Variants in PSMD11 observed in about 807,000 individuals in gnomAD.
The protein encoded by PSMD11 is 26S proteasome non-ATPase regulatory subunit 11.
Under a neutral mutation model 62.3 loss-of-function variants are expected in PSMD11, and 5 were observed. The observed-to-expected ratio is 0.08, with a 90% confidence interval of 0.04 to 0.17. The LOEUF (loss-of-function observed/expected upper bound fraction) is 0.17, where lower values mean the gene tolerates loss of function less well. Ranked by LOEUF, PSMD11 falls within the 10% of genes least tolerant of loss-of-function variation. PSMD11 has a pLI of 1.00. For synonymous variants in PSMD11, 191 were observed against 191.8 expected (o/e 1.00, Z 0.03); for missense variants, 310 against 512.9 (o/e 0.60, Z 3.82).
chr17:32,446,638 A>G lies in PSMD11; in HGVS notation c.92-307A>G, dbSNP rs145364755. On this transcript the variant is annotated intron_variant, in intron 1 of 13. Transcript: ENST00000261712. ...GAAGGATTTGTTTTGTTTTAATTTC[A>G]CTTTAACCAAGTGACCACAACAGAA... Among the ~76,000 whole-genome samples the G allele has an allele frequency of 6.2e-3, 951 of 152,318 alleles. 12 individuals carry two copies. Among genetic ancestry groups the G allele is most frequent in the African/African-American group, 0.021 (859 of 41,568 alleles).
rs114112359 is a variant in PSMD11, at chr17:32,447,094, G to A, written c.193+48G>A. The A allele has an allele frequency of 8.6e-4, 1,229 of 1,430,612 alleles. 2 individuals carry two copies. The African/African-American group carries it at 0.014, about 16-fold the overall frequency. The allele number at this position is 1,430,612 out of a possible 1,614,324, so 88.6% of individuals were successfully genotyped here. ...ATCTGAAATGCTCAGTGAAATTCCT[G>A]TCTTTTGTTGGAGTGAAGAATCATG... On this transcript the variant is annotated intron_variant, in intron 2 of 13. Transcript: ENST00000261712.
At chr17:32,475,106 C>T (rs1789448567) in intron 8 of PSMD11, among the ~76,000 whole-genome samples, 1 of 152,128 alleles carries the variant, frequency 6.6e-6, no homozygotes, top group South Asian at 2.1e-4. Flanking sequence ...TGGCTTTGAC[C>T]AGAAGATTTA....
chr17:32,447,118 TG>T, intron 2 of PSMD11, 72 bp downstream of exon 2: 2 of 1,216,670 alleles, frequency 1.6e-6, no homozygotes, highest in Non-Finnish European at 2.3e-6. Flanking sequence ...TGAAGAATCA[TG>T]GGACTGATCC....
intron 2 of PSMD11, among the ~76,000 whole-genome samples, chr17:32,452,753 G>C (rs1242524694): frequency 2.6e-5 from 4 of 152,202 alleles, no homozygotes; most frequent in Admixed American, 2.6e-4. Flanking sequence ...ATCATGGCCA[G>C]ATCAAGAGAA....
In PSMD11 at chr17:32,480,978, G is replaced by T; in HGVS notation, c.*226G>T. On this transcript the variant is annotated 3_prime_UTR_variant, in exon 14 of 14. Transcript: ENST00000261712. Reference sequence around the variant, plus strand: ...GAAATTGCTTAAAAAAAAAGAAAAAGAAAAAAAAAAAGATTATTCTAAATA... The same window carrying T: ...GAAATTGCTTAAAAAAAAAGAAAAATAAAAAAAAAAAGATTATTCTAAATA... 1 of 158,832 alleles carries T rather than the reference G, an allele frequency of 6.3e-6. No individual in the cohort carries two copies. Among genetic ancestry groups the T allele is most frequent in the Non-Finnish European group, 1.3e-5 (1 of 75,580 alleles). 9.8% of individuals were successfully genotyped at this position (158,832 alleles called of 1,614,324 possible). A position where few individuals can be genotyped will look rare whatever the true frequency, so the allele number is the denominator to read the frequency against.
intron 6 of PSMD11, among the ~76,000 whole-genome samples, chr17:32,471,550 A>G (rs1393610188): frequency 6.6e-6 from 1 of 152,216 alleles, no homozygotes; most frequent in Non-Finnish European, 1.5e-5. Context: ...TAGAAAAGCT[A>G]TCTTAAAGTA....
At chr17:32,456,546 T>C (rs1907656561) in intron 3 of PSMD11, among the ~76,000 whole-genome samples, 1 of 151,638 alleles carries the variant, frequency 6.6e-6, no homozygotes, top group Non-Finnish European at 1.5e-5. Context: ...CTATTTTTTT[T>C]TGAGACGGAG....
At position 32,451,363 on chromosome 17, in the gene PSMD11, A is replaced by G. The variant is rs182466361; in HGVS notation, c.194-3132A>G. Among the ~76,000 whole-genome samples, 176 of 152,354 alleles carry G rather than the reference A, an allele frequency of 1.2e-3. 1 individual carries two copies. The highest frequency in any genetic ancestry group is 4.2e-3 in the African/African-American group (173 of 41,588). On this transcript the variant is annotated intron_variant, in intron 2 of 13. Coordinates refer to ENST00000261712, the MANE Select transcript of PSMD11 (RefSeq NM_002815.4). Reference sequence around the variant, plus strand: ...AAAGAGATAATTAATGGTAGGTGAGAGAAGACAGAGCAGATAGTCTCTGTA... The same window carrying G: ...AAAGAGATAATTAATGGTAGGTGAGGGAAGACAGAGCAGATAGTCTCTGTA...
Position 32,448,298 on chromosome 17 carries a change from A to AATTT in PSMD11, c.193+1253_193+1254insTTTA, listed in dbSNP as rs1907388907. Among the ~76,000 whole-genome samples, 5 of 152,098 alleles carry AATTT rather than the reference A, an allele frequency of 3.3e-5. No individual in the cohort carries two copies. The South Asian group carries it at 1.0e-3, about 32-fold the overall frequency. On this transcript the variant is annotated intron_variant, in intron 2 of 13. Coordinates refer to ENST00000261712, the MANE Select transcript of PSMD11 (RefSeq NM_002815.4). ...TACATGGGCCTTATATCTTACTTAAAACATCATTAAGTAGCTATAAAAAGA... is the reference window on the plus strand; with the variant it reads ...TACATGGGCCTTATATCTTACTTAAAATTTACATCATTAAGTAGCTATAAAAAGA...
intron 7 of PSMD11, 32 bp downstream of exon 7, chr17:32,473,977 C>G (rs1212573318): frequency 1.2e-6 from 2 of 1,610,500 alleles, no homozygotes; most frequent in Non-Finnish European, 1.7e-6. Context: ...ACTACAAGAA[C>G]TCAGATCCTT....
Position 32,481,867 on chromosome 17 carries a change from G to A in PSMD11, c.*1115G>A, listed in dbSNP as rs1449840866. On this transcript the variant is annotated 3_prime_UTR_variant, in exon 14 of 14. Transcript: ENST00000261712. ...GAGCAACCTCATGTCCCCTTCCCAG[G>A]GAGCTTTTTAATTTACCTCTTAGAA... is the stretch of plus-strand genomic sequence containing the variant. The A allele has an allele frequency of 6.6e-6, 1 of 151,930 alleles. No individual in the cohort carries two copies. Among genetic ancestry groups the A allele is most frequent in the African/African-American group, 2.4e-5 (1 of 41,366 alleles). The allele number at this position is 151,930 out of a possible 1,614,324, so 9.4% of individuals were successfully genotyped here. A position where few individuals can be genotyped will look rare whatever the true frequency, so the allele number is the denominator to read the frequency against.
intron 2 of PSMD11, among the ~76,000 whole-genome samples, chr17:32,451,881 G>A (rs1907511776): frequency 6.6e-6 from 1 of 152,102 alleles, no homozygotes; most frequent in African/African-American, 2.4e-5. Flanking sequence ...TGGGACTACA[G>A]GCCTTCACCA....
At chr17:32,458,888 CTT>C (rs1907726816) in intron 3 of PSMD11, among the ~76,000 whole-genome samples, 1 of 152,006 alleles carries the variant, frequency 6.6e-6, no homozygotes, top group South Asian at 2.1e-4. Context: ...TCCTCAGAGA[CTT>C]TCCTTGATCA....
chr17:32,463,917 A>G lies in PSMD11; in HGVS notation c.319-132A>G, dbSNP rs73274209. The G allele has an allele frequency of 3.8e-3, 2,993 of 793,238 alleles. 47 individuals carry two copies. The African/African-American group carries it at 0.046, about 12-fold the overall frequency. 49.1% of individuals were successfully genotyped at this position (793,238 alleles called of 1,614,324 possible). A position where few individuals can be genotyped will look rare whatever the true frequency, so the allele number is the denominator to read the frequency against. On this transcript the variant is annotated intron_variant, in intron 3 of 13. Transcript: ENST00000261712. The stretch of plus-strand genomic sequence containing the variant: ...TGATATAACTATTACACATTGAGAT[A>G]CTGTGGATCAGACACTAAATAGAGC...
intron 1 of PSMD11, chr17:32,444,966 G>C (rs1468527832): frequency 2.6e-6 from 1 of 377,414 alleles, no homozygotes; most frequent in African/African-American, 2.2e-5. Context: ...GCCGGCCGGC[G>C]TGCTTGTCAC....
At chr17:32,446,065 A>G (rs117440025) in intron 1 of PSMD11, 1 of 152,144 alleles carries the variant, frequency 6.6e-6, no homozygotes, top group Admixed American at 6.5e-5. Context: ...TACGTCAAAT[A>G]TTACAATTAG....
At chr17:32,470,415 C>T (rs906114667) in intron 6 of PSMD11, among the ~76,000 whole-genome samples, 15 of 151,998 alleles carry the variant, frequency 9.9e-5, no homozygotes, top group Non-Finnish European at 1.8e-4. Context: ...TGGGTTCAAG[C>T]GATTCTCCTG....
intron 10 of PSMD11, 126 bp downstream of exon 10, chr17:32,479,502 G>T: frequency 1.5e-6 from 2 of 1,328,942 alleles, no homozygotes; most frequent in Non-Finnish European, 2.1e-6. Context: ...GCCACCAAGA[G>T]CTTGGGCCTC....
At chr17:32,464,393 T>C in intron 4 of PSMD11, 128 bp from the exon 5 acceptor site, 1 of 794,246 alleles carries the variant, frequency 1.3e-6, no homozygotes, top group Non-Finnish European at 2.0e-6. Context: ...AGATCGTCTC[T>C]TATGCTGAAT....
Sources: allele counts gnomAD v4.1 joint callset (sites outside exome capture counted in the v4.1 genomes callset), GRCh38; gene constraint gnomAD v4.1.1; transcripts MANE v1.5; gene names NCBI Gene and HGNC (gene_info 2026-07-23, HGNC 2026-07-21).